The following NCKAP5 variants were observed in gnomAD, a reference collection of about 807,000 sequenced individuals.
The protein encoded by NCKAP5 is NCK associated protein 5, also known as nck-associated protein 5.
In NCKAP5, 92 loss-of-function variants were observed where a neutral mutation model predicts 167.0. That is an observed-to-expected ratio of 0.55 (90% confidence interval 0.47 to 0.66). The LOEUF (loss-of-function observed/expected upper bound fraction) is 0.66, where lower values mean the gene tolerates loss of function less well. NCKAP5 is among the 30% of genes least tolerant of loss of function. NCKAP5 has a pLI of 0.00. For synonymous variants in NCKAP5, 891 were observed against 877.4 expected (o/e 1.02, Z -0.27); for missense variants, 2,378 against 2,315.0 (o/e 1.03, Z -0.56).
chr2:133,430,338 T>C (rs1469387926), intron 3 of NCKAP5, among the ~76,000 whole-genome samples: 2 of 152,156 alleles, frequency 1.3e-5, no homozygotes, highest in East Asian at 1.9e-4. Context: ...GTTTACTCTG[T>C]TGAGAGTTTC....
At chr2:132,951,227 T>G (rs929340617) in intron 8 of NCKAP5, among the ~76,000 whole-genome samples, 1 of 152,206 alleles carries the variant, frequency 6.6e-6, no homozygotes, top group Admixed American at 6.5e-5. Flanking sequence ...CAGCAGCACT[T>G]ACTGACTCTG....
intron 19 of NCKAP5, among the ~76,000 whole-genome samples, chr2:132,694,103 TTTTATTTA>T (rs140401537): frequency 0.01 from 1,494 of 147,040 alleles, 23 homozygotes; most frequent in Non-Finnish European, 0.012. Context: ...GTTTTAAGTG[TTTTATTTA>T]TTTATTTATT....
intron 11 of NCKAP5, among the ~76,000 whole-genome samples, chr2:132,829,676 G>C (rs1359041941): frequency 1.3e-5 from 2 of 151,996 alleles, no homozygotes; most frequent in Admixed American, 6.6e-5. Flanking sequence ...ATTACCTGGA[G>C]GGCTTGAAAA....
At chr2:133,026,707 G>T (rs1224262441) in intron 6 of NCKAP5, among the ~76,000 whole-genome samples, 1 of 152,186 alleles carries the variant, frequency 6.6e-6, no homozygotes, top group African/African-American at 2.4e-5. Context: ...CTGAAGCCTT[G>T]CAGGGAACTA....
intron 3 of NCKAP5, among the ~76,000 whole-genome samples, chr2:133,455,191 G>A (rs1691771945): frequency 6.6e-6 from 1 of 151,968 alleles, no homozygotes; most frequent in South Asian, 2.1e-4. Flanking sequence ...AATTTTTCTT[G>A]GCATGATTAT....
At chr2:133,116,437 G>A (rs1444692499) in intron 6 of NCKAP5, among the ~76,000 whole-genome samples, 4 of 75,308 alleles carry the variant, frequency 5.3e-5, no homozygotes, top group Non-Finnish European at 9.0e-5. Flanking sequence ...GCAGTGAGCC[G>A]AGATCGCGCC....
chr2:133,431,168 G>A lies in NCKAP5; in HGVS notation c.69+86290C>T, dbSNP rs538180802. On this transcript the variant is annotated intron_variant, in intron 3 of 19. Coordinates refer to ENST00000409261, the MANE Select transcript of NCKAP5 (RefSeq NM_207363.3). The stretch of plus-strand genomic sequence containing the variant: ...CCAGTTCCAGACCATGTGCTGATGA[G>A]ACAGATAGGAAACTAGCACTGCATT... Among the ~76,000 whole-genome samples the A allele has an allele frequency of 5.9e-5, 9 of 152,230 alleles. No individual in the cohort carries two copies. In the South Asian group the frequency reaches 1.7e-3, roughly 28 times the overall value.
chr2:133,225,709 G>A (rs2086852007), intron 4 of NCKAP5, among the ~76,000 whole-genome samples: 1 of 150,542 alleles, frequency 6.6e-6, no homozygotes, highest in South Asian at 2.1e-4. Flanking sequence ...AATCTCCTGG[G>A]CTCAAGCAAT....
At chr2:133,210,971 G>T (rs2086186847) in intron 5 of NCKAP5, among the ~76,000 whole-genome samples, 2 of 151,874 alleles carry the variant, frequency 1.3e-5, no homozygotes, top group African/African-American at 4.8e-5. Context: ...GACCTTGAGG[G>T]TGCACCCATT....
intron 11 of NCKAP5, among the ~76,000 whole-genome samples, chr2:132,815,846 A>G (rs1274169106): frequency 1.3e-5 from 2 of 152,196 alleles, no homozygotes; most frequent in Non-Finnish European, 2.9e-5. Flanking sequence ...AAAATTCTCC[A>G]TTACAGCCAA....
intron 4 of NCKAP5, among the ~76,000 whole-genome samples, chr2:133,247,438 A>G (rs1466390328): frequency 1.3e-5 from 2 of 152,188 alleles, no homozygotes; most frequent in African/African-American, 4.8e-5. Context: ...GAATTTCCAA[A>G]CCCCTTCAAA....
intron 3 of NCKAP5, among the ~76,000 whole-genome samples, chr2:133,374,311 A>C (rs1395414835): frequency 6.6e-6 from 1 of 152,236 alleles, no homozygotes. Flanking sequence ...AAAGCTATAG[A>C]GAAGATGAAA....
At chr2:133,563,564 T>TAAAAAAAAAAAAAAAAA (rs57901498) in intron 1 of NCKAP5, among the ~76,000 whole-genome samples, 1 of 53,012 alleles carries the variant, frequency 1.9e-5, no homozygotes, top group African/African-American at 7.0e-5. Flanking sequence ...AAAGACTCCA[T>TAAAAAAAAAAAAAAAAA]AAAAAAAAAA....
At chr2:133,447,160 C>G (rs147253187) in intron 3 of NCKAP5, among the ~76,000 whole-genome samples, 1 of 152,250 alleles carries the variant, frequency 6.6e-6, no homozygotes, top group East Asian at 1.9e-4. Flanking sequence ...TACCCGCCAT[C>G]AATTCACTGC....
chr2:133,555,463 A>G (rs1687675945), intron 2 of NCKAP5, among the ~76,000 whole-genome samples: 1 of 152,252 alleles, frequency 6.6e-6, no homozygotes, highest in Non-Finnish European at 1.5e-5. Flanking sequence ...GGAATCCTCC[A>G]GCTCACCTGC....
intron 6 of NCKAP5, among the ~76,000 whole-genome samples, chr2:133,120,409 T>G (rs767768874): frequency 9.2e-5 from 14 of 152,174 alleles, no homozygotes; most frequent in Non-Finnish European, 2.1e-4. Context: ...CACTTAGACT[T>G]ATACTATGTG....
chr2:132,784,295 A>G lies in NCKAP5; in HGVS notation c.2516T>C (p.Leu839Ser). Residue 839 changes from leucine to serine, a missense_variant, in exon 14 of 20, where the codon TTA becomes TCA. By Grantham distance (145) the Leu-to-Ser change is moderately radical. Coordinates refer to ENST00000409261, the MANE Select transcript of NCKAP5 (RefSeq NM_207363.3). ...GLVTLEKSPALAPGKLSRFMK... is the reference protein window; with the variant it reads ...GLVTLEKSPASAPGKLSRFMK... ...GAATCGTGAGAGTTTCCCAGGAGCT[A>G]AGGCTGGTGATTTTTCAAGAGTCAC... The G allele has an allele frequency of 6.2e-7, 1 of 1,613,818 alleles. No homozygotes were observed. The highest frequency in any genetic ancestry group is 8.5e-7 in the Non-Finnish European group (1 of 1,179,816).
intron 8 of NCKAP5, among the ~76,000 whole-genome samples, chr2:132,961,087 T>A (rs889694729): frequency 3.3e-5 from 5 of 152,256 alleles, no homozygotes; most frequent in African/African-American, 1.2e-4. Context: ...TCCCCTGCAA[T>A]CTTCCAGGGG....
At chr2:132,840,031 C>A (rs1274656467) in intron 11 of NCKAP5, among the ~76,000 whole-genome samples, 1 of 152,142 alleles carries the variant, frequency 6.6e-6, no homozygotes, top group African/African-American at 2.4e-5. Flanking sequence ...GTGGCAGTTG[C>A]AGCTGGAGAC....
Sources: gnomAD v4.1 joint callset for allele counts (sites outside exome capture counted in the v4.1 genomes callset) on GRCh38, gnomAD v4.1.1 for gene constraint, MANE v1.5 for transcripts, NCBI Gene and HGNC (gene_info 2026-07-23, HGNC 2026-07-21) for gene names.